The following FER variants were observed in gnomAD, a reference collection of about 807,000 sequenced individuals.
FER encodes FER tyrosine kinase, also known as tyrosine-protein kinase Fer.
A neutral mutation model predicts 111.0 loss-of-function variants in FER; 63 were observed. The ratio of observed to expected loss-of-function variants is 0.57; its 90% CI spans 0.46 to 0.70. The LOEUF (loss-of-function observed/expected upper bound fraction) is 0.70. Among genes scored for constraint, FER ranks in the 30% least tolerant of loss-of-function variants. The pLI is 0.00. For synonymous variants in FER, 327 were observed against 313.9 expected (o/e 1.04, Z -0.44); for missense variants, 914 against 954.0 (o/e 0.96, Z 0.55).
At chr5:109,024,578 C>A (rs891698425) in intron 13 of FER, among the ~76,000 whole-genome samples, 1 of 151,976 alleles carries the variant, frequency 6.6e-6, no homozygotes, top group Non-Finnish European at 1.5e-5. Context: ...CTACGGAGGA[C>A]GGTGGGTAGA....
At chr5:109,019,895 A>T (rs1044582409) in intron 13 of FER, among the ~76,000 whole-genome samples, 2 of 151,932 alleles carry the variant, frequency 1.3e-5, no homozygotes, top group Non-Finnish European at 2.9e-5. Flanking sequence ...CAATATAAAC[A>T]TTATCACCAA....
intron 16 of FER, among the ~76,000 whole-genome samples, chr5:109,089,192 C>T (rs1316263448): frequency 6.6e-6 from 1 of 152,170 alleles, no homozygotes; most frequent in African/African-American, 2.4e-5. Flanking sequence ...GTATCAGCTT[C>T]ATCACATTTT....
At chr5:108,892,011 C>T (rs1403596598) in intron 9 of FER, among the ~76,000 whole-genome samples, 4 of 151,918 alleles carry the variant, frequency 2.6e-5, no homozygotes, top group African/African-American at 9.7e-5. Context: ...TTTTTTATGG[C>T]TGCATAGTAT....
chr5:108,748,896 G>A (rs1372802903), intron 1 of FER: 1 of 153,416 alleles, frequency 6.5e-6, no homozygotes, highest in African/African-American at 2.4e-5. Context: ...TGGTTGCAGA[G>A]GTTCGTGACA....
chr5:108,760,158 G>GTTT (rs36078731), intron 1 of FER, among the ~76,000 whole-genome samples: 18 of 141,102 alleles, frequency 1.3e-4, no homozygotes, highest in Non-Finnish European at 1.5e-4. Flanking sequence ...GCAGTCTTCT[G>GTTT]TTTTTTTTTT....
In FER at chr5:108,879,696, A is replaced by AT. The variant is rs1561552795; in HGVS notation, c.924-3700_924-3699insT. On this transcript the variant is annotated intron_variant, in intron 8 of 19. Transcript: ENST00000281092. Reference sequence around the variant, plus strand: ...ACCATATGTATTTTTTTTAGATTAAAAAAAAATATATATATATATATATAT... The same window carrying AT: ...ACCATATGTATTTTTTTTAGATTAAATAAAAAATATATATATATATATATAT... Among the ~76,000 whole-genome samples, 254 of 113,026 alleles carry AT rather than the reference A, an allele frequency of 2.2e-3. 2 individuals are homozygous for AT. The highest frequency in any genetic ancestry group is 9.3e-3 in the African/African-American group (227 of 24,350). The allele number at this position is 113,026 out of a possible 152,430, so 74.1% of individuals were successfully genotyped here.
chr5:109,086,380 A>T (rs1777571552), intron 16 of FER, among the ~76,000 whole-genome samples: 1 of 151,664 alleles, frequency 6.6e-6, no homozygotes, highest in Non-Finnish European at 1.5e-5. Context: ...TCATCTTTCA[A>T]TTCTGATATT....
At chr5:108,989,669 T>C (rs1174221164) in intron 13 of FER, among the ~76,000 whole-genome samples, 2 of 152,006 alleles carry the variant, frequency 1.3e-5, no homozygotes, top group Non-Finnish European at 2.9e-5. Context: ...CTAAACATTT[T>C]TGTATCTCTT....
intron 2 of FER, among the ~76,000 whole-genome samples, chr5:108,792,322 A>G (rs768071697): frequency 1.6e-4 from 25 of 152,254 alleles, no homozygotes; most frequent in South Asian, 4.1e-4. Flanking sequence ...GAATATTTCA[A>G]TTTACTTAGT....
rs547695338 is a variant in FER, at chr5:109,118,449, A to G, written c.2048+17930A>G. Among the ~76,000 whole-genome samples the G allele has an allele frequency of 5.3e-3, 804 of 152,092 alleles. 6 individuals are homozygous for G. Among genetic ancestry groups the G allele is most frequent in the African/African-American group, 0.019 (771 of 41,456 alleles). Reference sequence around the variant, plus strand: ...ATTTTTGCATCAATGTTCATCATGGATATTGGTCTAAAATTCTCTTTTTTT... The same window carrying G: ...ATTTTTGCATCAATGTTCATCATGGGTATTGGTCTAAAATTCTCTTTTTTT... On this transcript the variant is annotated intron_variant, in intron 17 of 19. Transcript: ENST00000281092.
chr5:109,129,890 T>C (rs139062177), intron 17 of FER, among the ~76,000 whole-genome samples: 49 of 152,202 alleles, frequency 3.2e-4, no homozygotes, highest in East Asian at 2.9e-3. Context: ...TGACAAATTT[T>C]TGGGAAAATC....
At chr5:109,025,740 T>A (rs1430395740) in intron 13 of FER, among the ~76,000 whole-genome samples, 2 of 152,018 alleles carry the variant, frequency 1.3e-5, no homozygotes, top group African/African-American at 4.8e-5. Context: ...CCATTCAGTA[T>A]GATATTGGCT....
chr5:109,013,298 C>A (rs549832410), intron 13 of FER, among the ~76,000 whole-genome samples: 100 of 139,034 alleles, frequency 7.2e-4, no homozygotes, highest in African/African-American at 2.6e-3. Context: ...TCTCATTGTT[C>A]AATTCCCACC....
chr5:108,799,316 T>A (rs1054327175), intron 3 of FER, among the ~76,000 whole-genome samples: 1 of 152,244 alleles, frequency 6.6e-6, no homozygotes, highest in Non-Finnish European at 1.5e-5. Context: ...CAGTGTCTTA[T>A]TTAAATATCA....
chr5:109,001,483 T>G (rs930955774), intron 13 of FER, among the ~76,000 whole-genome samples: 27 of 152,158 alleles, frequency 1.8e-4, no homozygotes, highest in Non-Finnish European at 3.4e-4. Context: ...GGGACATATC[T>G]CAAAGTAATA....
chr5:108,762,389 C>T (rs1751857891), intron 1 of FER, among the ~76,000 whole-genome samples: 1 of 152,192 alleles, frequency 6.6e-6, no homozygotes, highest in African/African-American at 2.4e-5. Flanking sequence ...ATCTGACTTG[C>T]TCTCACCACC....
At chr5:108,756,169 A>AT (rs1264614037) in intron 1 of FER, among the ~76,000 whole-genome samples, 66 of 148,858 alleles carry the variant, frequency 4.4e-4, no homozygotes, top group African/African-American at 1.6e-3. Flanking sequence ...AAAAAAAAAA[A>AT]AAAATAATAA....
chr5:108,773,466 G>A (rs1483934080), intron 2 of FER, among the ~76,000 whole-genome samples: 1 of 152,050 alleles, frequency 6.6e-6, no homozygotes, highest in Non-Finnish European at 1.5e-5. Context: ...CTGTTCCTAC[G>A]TTACTTTGCT....
chr5:108,982,945 T>C (rs1003919476), intron 13 of FER, among the ~76,000 whole-genome samples: 3 of 152,062 alleles, frequency 2.0e-5, no homozygotes, highest in Non-Finnish European at 2.9e-5. Context: ...TTAAATGGCA[T>C]GCATACTAAA....
Sources: gnomAD v4.1 joint callset for allele counts (sites outside exome capture counted in the v4.1 genomes callset) on GRCh38, gnomAD v4.1.1 for gene constraint, MANE v1.5 for transcripts, NCBI Gene and HGNC (gene_info 2026-07-23, HGNC 2026-07-21) for gene names.